Variants in SLC4A4 observed in about 807,000 individuals in gnomAD.
The protein encoded by SLC4A4 is solute carrier family 4 member 4, also known as electrogenic sodium bicarbonate cotransporter 1.
SLC4A4 carries 27 observed loss-of-function variants against 111.5 expected under a neutral mutation model. The ratio of observed to expected loss-of-function variants is 0.24; its 90% CI spans 0.18 to 0.33. The LOEUF is 0.33. Ranked by LOEUF, SLC4A4 falls within the 10% of genes least tolerant of loss-of-function variation. The pLI, the probability that SLC4A4 is intolerant of heterozygous loss-of-function variation, is 1.00. For missense variants in SLC4A4, 909 were observed against 1,315.5 expected (o/e 0.69, Z 4.78); for synonymous variants, 443 against 463.4 (o/e 0.96, Z 0.57).
At chr4:71,419,160 G>A (rs1467069675) in intron 7 of SLC4A4, among the ~76,000 whole-genome samples, 1 of 152,218 alleles carries the variant, frequency 6.6e-6, no homozygotes, top group Non-Finnish European at 1.5e-5. Flanking sequence ...ACACACTTGA[G>A]GAGGCAGTCT....
intron 7 of SLC4A4, among the ~76,000 whole-genome samples, chr4:71,398,626 G>GA (rs1240968914): frequency 6.6e-6 from 1 of 152,038 alleles, no homozygotes. Context: ...AAAAATCATA[G>GA]AAATCCTAAG....
chr4:71,217,893 C>CT (rs1002253052), intron 1 of SLC4A4, among the ~76,000 whole-genome samples: 2 of 152,208 alleles, frequency 1.3e-5, no homozygotes, highest in African/African-American at 4.8e-5. Context: ...ACATGCACTG[C>CT]TTTTGGCTTT....
chr4:71,456,760 T>C (rs1726310850), intron 12 of SLC4A4, among the ~76,000 whole-genome samples: 1 of 152,160 alleles, frequency 6.6e-6, no homozygotes, highest in Non-Finnish European at 1.5e-5. Context: ...GAAAACAGTC[T>C]TTTTCAGTCA....
chr4:71,481,589 C>T (rs2149123237), intron 14 of SLC4A4, among the ~76,000 whole-genome samples: 1 of 151,794 alleles, frequency 6.6e-6, no homozygotes, highest in East Asian at 2.0e-4. Context: ...AGCTTAAATG[C>T]CTAGTGTTCC....
intron 7 of SLC4A4, among the ~76,000 whole-genome samples, chr4:71,415,484 C>A (rs1388973334): frequency 2.6e-5 from 4 of 152,152 alleles, no homozygotes; most frequent in African/African-American, 9.7e-5. Flanking sequence ...ATTAACCTTA[C>A]TTTACAGATG....
intron 1 of SLC4A4, among the ~76,000 whole-genome samples, chr4:71,200,749 A>G (rs1369675481): frequency 6.6e-6 from 1 of 151,950 alleles, no homozygotes; most frequent in Non-Finnish European, 1.5e-5. Context: ...TGGCAGGTGT[A>G]TACCTATCTA....
At chr4:71,503,840 A>G (rs1731157151) in intron 16 of SLC4A4, among the ~76,000 whole-genome samples, 1 of 152,124 alleles carries the variant, frequency 6.6e-6, no homozygotes, top group South Asian at 2.1e-4. Context: ...TGTAGCTCTT[A>G]AGCATTTTTT....
At chr4:71,438,150 A>G (rs947795903) in intron 7 of SLC4A4, among the ~76,000 whole-genome samples, 1 of 152,222 alleles carries the variant, frequency 6.6e-6, no homozygotes, top group African/African-American at 2.4e-5. Flanking sequence ...CGGTTCCGAA[A>G]AAATGGACTG....
At chr4:71,458,192 A>G (rs1726473689) in intron 12 of SLC4A4, among the ~76,000 whole-genome samples, 1 of 152,030 alleles carries the variant, frequency 6.6e-6, no homozygotes, top group Non-Finnish European at 1.5e-5. Flanking sequence ...AGTAGAATTT[A>G]TTACTACTAT....
At chr4:71,346,001 T>C (rs1729294626) in intron 4 of SLC4A4, among the ~76,000 whole-genome samples, 1 of 152,136 alleles carries the variant, frequency 6.6e-6, no homozygotes, top group Non-Finnish European at 1.5e-5. Flanking sequence ...TTTCAATAGT[T>C]GTACGTAGTT....
At chr4:71,391,410 C>T (rs890472955) in intron 6 of SLC4A4, among the ~76,000 whole-genome samples, 2 of 152,058 alleles carry the variant, frequency 1.3e-5, no homozygotes, top group African/African-American at 4.8e-5. Flanking sequence ...ATTCAAATAT[C>T]TTCTTTCTGT....
intron 9 of SLC4A4, among the ~76,000 whole-genome samples, chr4:71,449,199 TG>T (rs1231293195): frequency 6.6e-6 from 1 of 152,202 alleles, no homozygotes; most frequent in African/African-American, 2.4e-5. Flanking sequence ...CCTGTCAGTA[TG>T]GTAAAACGAC....
intron 16 of SLC4A4, among the ~76,000 whole-genome samples, chr4:71,513,504 T>A (rs1052979735): frequency 2.0e-5 from 3 of 152,248 alleles, no homozygotes; most frequent in African/African-American, 4.8e-5. Flanking sequence ...CTAATTTTTT[T>A]AATCAAATCT....
chr4:71,152,377 C>CT (rs1744332536), intron 2 of SLC4A4, among the ~76,000 whole-genome samples: 1 of 151,962 alleles, frequency 6.6e-6, no homozygotes, highest in Non-Finnish European at 1.5e-5. Context: ...CTATGACTTG[C>CT]TTTTTTGGCT....
At chr4:71,525,797 A>G (rs1388478705) in intron 16 of SLC4A4, among the ~76,000 whole-genome samples, 1 of 152,104 alleles carries the variant, frequency 6.6e-6, no homozygotes, top group Non-Finnish European at 1.5e-5. Context: ...TTCTAATTTG[A>G]TATCTTTATT....
chr4:71,459,888 TTTTG>T (rs545338434), intron 12 of SLC4A4, among the ~76,000 whole-genome samples: 30 of 152,206 alleles, frequency 2.0e-4, no homozygotes, highest in South Asian at 4.1e-4. Context: ...AATGGTTCAT[TTTTG>T]TTTAATTCTA....
chr4:71,345,518 C>T lies in SLC4A4; in HGVS notation c.390-4394C>T, dbSNP rs138615851. ...TATAAAGGAAAGCCATCACAAGTTT[C>T]AACAAACACAAGCCAACAAAGGAAA... On this transcript the variant is annotated intron_variant, in intron 4 of 25. Transcript: ENST00000264485. Among the ~76,000 whole-genome samples, 800 of 152,210 alleles carry T rather than the reference C, an allele frequency of 5.3e-3. 9 individuals carry two copies. The highest frequency in any genetic ancestry group is 0.018 in the African/African-American group (745 of 41,540).
intron 16 of SLC4A4, among the ~76,000 whole-genome samples, chr4:71,525,330 A>G (rs1402311724): frequency 6.6e-6 from 1 of 152,142 alleles, no homozygotes; most frequent in Non-Finnish European, 1.5e-5. Context: ...TCTCCTCTTC[A>G]TTTTTATAAT....
At chr4:71,241,975 C>T (rs187247972) in intron 2 of SLC4A4, among the ~76,000 whole-genome samples, 17 of 152,326 alleles carry the variant, frequency 1.1e-4, no homozygotes, top group African/African-American at 3.8e-4. Context: ...CCTGACATCT[C>T]TTGCTGTGTC....
Sources: allele counts gnomAD v4.1 joint callset (sites outside exome capture counted in the v4.1 genomes callset), GRCh38; gene constraint gnomAD v4.1.1; transcripts MANE v1.5; gene names NCBI Gene and HGNC (gene_info 2026-07-23, HGNC 2026-07-21).